The following NT5M variants were observed in gnomAD, a reference collection of about 807,000 sequenced individuals.
NT5M encodes the protein 5',3'-nucleotidase, mitochondrial.
A neutral mutation model predicts 22.2 loss-of-function variants in NT5M; 22 were observed. The observed-to-expected ratio is 0.99, with a 90% CI of 0.71 to 1.41. The LOEUF (loss-of-function observed/expected upper bound fraction) is 1.41. Ranked by LOEUF, NT5M falls within the 40% of genes most tolerant of loss-of-function variation. The pLI is 0.00. For missense variants in NT5M, 322 were observed against 314.8 expected, an observed-to-expected ratio of 1.02 and a Z score of -0.17; for synonymous variants, 167 against 133.0, an observed-to-expected ratio of 1.26 and a Z score of -1.76.
chr17:17,304,375 C>G (rs1597734412), intron 1 of NT5M: 1 of 985,088 alleles, frequency 1.0e-6, no homozygotes, highest in South Asian at 4.7e-5. Context: ...GCTGGCCTTG[C>G]TGAACACCTG....
chr17:17,318,347 G>C (rs2049076185), intron 2 of NT5M, among the ~76,000 whole-genome samples: 1 of 151,940 alleles, frequency 6.6e-6, no homozygotes, highest in Admixed American at 6.6e-5. Flanking sequence ...AGGCTTGGTG[G>C]CAGGCACCTG....
chr17:17,306,555 A>G lies in NT5M; in HGVS notation c.280A>G (p.Ser94Gly). The G allele has an allele frequency of 6.2e-7, 1 of 1,613,864 alleles. No homozygotes were observed. The highest frequency in any genetic ancestry group is 8.5e-7 in the Non-Finnish European group (1 of 1,179,830). Residue 94 changes from serine (S) to glycine (G), a missense_variant, in exon 2 of 5, where the codon AGC (serine) becomes GGC (glycine). Ser to Gly is a moderately conservative substitution (Grantham distance 56, BLOSUM62 0). Coordinates refer to ENST00000389022, the MANE Select transcript of NT5M (RefSeq NM_020201.4). ...CTCAACTTCTCAGGAGAAGGCCATC[A>G]GCATTTGGGAGTCAAAGAATTTCTT... ...LRPGLSEKAI[S>G]IWESKNFFFE...
At chr17:17,317,639 C>G (rs935692820) in intron 2 of NT5M, among the ~76,000 whole-genome samples, 2 of 152,110 alleles carry the variant, frequency 1.3e-5, no homozygotes, top group Non-Finnish European at 2.9e-5. Flanking sequence ...AACAGTGCAG[C>G]CAGTGTGGAA....
At chr17:17,314,588 C>T (rs1206384463) in intron 2 of NT5M, among the ~76,000 whole-genome samples, 2 of 152,142 alleles carry the variant, frequency 1.3e-5, no homozygotes, top group Non-Finnish European at 2.9e-5. Flanking sequence ...CCACTGAAAG[C>T]CCTCTGCTGG....
chr17:17,338,395 G>T (rs577027987), intron 3 of NT5M, among the ~76,000 whole-genome samples: 17 of 152,136 alleles, frequency 1.1e-4, no homozygotes, highest in Admixed American at 1.0e-3. Context: ...GTTTCACCAC[G>T]TTAGCCAGGC....
intron 1 of NT5M, 92 bp downstream of exon 1, chr17:17,303,909 C>A: frequency 7.6e-7 from 1 of 1,312,840 alleles, no homozygotes. Context: ...ACGGTCAGCG[C>A]CCCAGCCTCG....
At position 17,346,802 on chromosome 17, in the gene NT5M, CAG is replaced by C. The variant is rs753053960; in HGVS notation, c.545-2_545-1del. 2 of 1,606,772 alleles carry C rather than the reference CAG, an allele frequency of 1.2e-6. No homozygotes were observed. The highest frequency in any genetic ancestry group is 2.7e-5 in the African/African-American group (2 of 75,040). ...GAGCTGAATGCCGCTTTCCCACCCACAGGGGCCGAGCCAACCCCCAGCTGGGA... is the reference window on the plus strand; with the variant it reads ...GAGCTGAATGCCGCTTTCCCACCCACGGGCCGAGCCAACCCCCAGCTGGGA... On this transcript the variant is annotated splice_acceptor_variant, in intron 4 of 4. Transcript: ENST00000389022. LOFTEE classifies it high-confidence loss of function.
At chr17:17,337,199 G>A (rs997382541) in intron 3 of NT5M, among the ~76,000 whole-genome samples, 3 of 152,066 alleles carry the variant, frequency 2.0e-5, no homozygotes, top group African/African-American at 4.8e-5. Flanking sequence ...GATGATCAGC[G>A]ATATTGAGCA....
intron 3 of NT5M, among the ~76,000 whole-genome samples, chr17:17,326,714 T>C (rs1450555714): frequency 6.6e-6 from 1 of 152,048 alleles, no homozygotes; most frequent in Non-Finnish European, 1.5e-5. Context: ...TGATGGACTG[T>C]CCTAAAAGGC....
At chr17:17,318,027 G>A (rs1049687639) in intron 2 of NT5M, among the ~76,000 whole-genome samples, 1 of 149,454 alleles carries the variant, frequency 6.7e-6, no homozygotes. Flanking sequence ...TCAACTCATA[G>A]GTGTATATCC....
In NT5M at chr17:17,346,883, G is replaced by A. The variant is rs145194793; in HGVS notation, c.623G>A (p.Arg208His). The change falls in exon 5 of 5, where the codon CGC becomes CAC. Residue 208 changes from arginine to histidine, a missense_variant. Physicochemically the swap from Arg to His is conservative, Grantham distance 29. Coordinates refer to ENST00000389022, the MANE Select transcript of NT5M (RefSeq NM_020201.4). Reference sequence around the variant, plus strand: ...CAGCACCTGCAGCTGCAGCCCCCCCGCCGCAGGCTGCACTCGTGGGCGGAC... The same window carrying A: ...CAGCACCTGCAGCTGCAGCCCCCCCACCGCAGGCTGCACTCGTGGGCGGAC... ...HNQHLQLQPP[R>H]RRLHSWADDW... 7,597 of 1,609,776 alleles carry A rather than the reference G, an allele frequency of 4.7e-3. 20 individuals carry two copies. Among genetic ancestry groups the A allele is most frequent in the Non-Finnish European group, 6.1e-3 (7,153 of 1,179,880 alleles).
At chr17:17,327,800 C>T (rs2049294263) in intron 3 of NT5M, among the ~76,000 whole-genome samples, 1 of 105,830 alleles carries the variant, frequency 9.4e-6, no homozygotes, top group Non-Finnish European at 2.1e-5. Flanking sequence ...CAGGCGTGAG[C>T]CACCACGCCC....
At chr17:17,316,984 G>T (rs1567885462) in intron 2 of NT5M, among the ~76,000 whole-genome samples, 1 of 150,992 alleles carries the variant, frequency 6.6e-6, no homozygotes, top group East Asian at 2.0e-4. Context: ...AAAGTGCTGG[G>T]ATTACAGGCA....
intron 2 of NT5M, among the ~76,000 whole-genome samples, chr17:17,312,659 A>AG (rs2048944358): frequency 6.6e-6 from 1 of 150,502 alleles, no homozygotes; most frequent in Non-Finnish European, 1.5e-5. Flanking sequence ...AAAAAAAAAA[A>AG]AAATGTATTC....
chr17:17,312,266 C>T (rs1426618369), intron 2 of NT5M, among the ~76,000 whole-genome samples: 1 of 152,190 alleles, frequency 6.6e-6, no homozygotes, highest in African/African-American at 2.4e-5. Flanking sequence ...GGCTTCTTCA[C>T]CATAGTACTT....
At chr17:17,308,997 T>C (rs2048868289) in intron 2 of NT5M, among the ~76,000 whole-genome samples, 1 of 152,232 alleles carries the variant, frequency 6.6e-6, no homozygotes, top group African/African-American at 2.4e-5. Context: ...ATGGACTACA[T>C]GTATTGATCC....
intron 3 of NT5M, among the ~76,000 whole-genome samples, chr17:17,330,034 C>T (rs898977729): frequency 1.3e-5 from 2 of 152,128 alleles, no homozygotes; most frequent in African/African-American, 4.8e-5. Flanking sequence ...GGCGTGGTGG[C>T]TCACGCCTGT....
At chr17:17,336,027 G>GAGT (rs2049502884) in intron 3 of NT5M, among the ~76,000 whole-genome samples, 1 of 133,104 alleles carries the variant, frequency 7.5e-6, no homozygotes, top group South Asian at 2.4e-4. Context: ...TTTTGAGATG[G>GAGT]AGTCTCGCTC....
intron 3 of NT5M, among the ~76,000 whole-genome samples, chr17:17,344,325 C>T (rs2049711287): frequency 6.6e-6 from 1 of 152,212 alleles, no homozygotes; most frequent in African/African-American, 2.4e-5. Flanking sequence ...GCCTTGACCG[C>T]TGTCTCCTCA....
Sources: allele counts gnomAD v4.1 joint callset (sites outside exome capture counted in the v4.1 genomes callset), GRCh38; gene constraint gnomAD v4.1.1; transcripts MANE v1.5; gene names NCBI Gene and HGNC (gene_info 2026-07-23, HGNC 2026-07-21).